Variants in PDE7B observed in about 807,000 individuals in gnomAD.
PDE7B encodes the protein phosphodiesterase 7B, also known as 3',5'-cyclic-AMP phosphodiesterase 7B.
Under a neutral mutation model 56.2 loss-of-function variants are expected in PDE7B, and 29 were observed. The observed-to-expected ratio is 0.52, with a 90% CI of 0.38 to 0.70. The LOEUF (loss-of-function observed/expected upper bound fraction) is 0.70. Ranked by LOEUF, PDE7B falls within the 30% of genes least tolerant of loss-of-function variation. The probability of loss-of-function intolerance (pLI) is 0.00; values close to 1 mark genes in which losing one functional copy is unlikely to be tolerated. For missense variants in PDE7B, 490 were observed against 565.0 expected (o/e 0.87, Z 1.35); for synonymous variants, 197 against 196.9 (o/e 1.00, Z 0.00).
intron 1 of PDE7B, among the ~76,000 whole-genome samples, chr6:135,863,222 A>G (rs992053657): frequency 3.9e-5 from 6 of 151,910 alleles, no homozygotes; most frequent in African/African-American, 7.2e-5. Flanking sequence ...CTTTGCTTCT[A>G]TTACTGAAAG....
At chr6:135,905,272 G>T (rs1479118560) in intron 1 of PDE7B, among the ~76,000 whole-genome samples, 2 of 151,638 alleles carry the variant, frequency 1.3e-5, no homozygotes, top group Non-Finnish European at 2.9e-5. Context: ...TTATTTTTTG[G>T]TAAAATAGTC....
At chr6:136,145,657 G>A (rs188016917) in intron 3 of PDE7B, among the ~76,000 whole-genome samples, 76 of 152,110 alleles carry the variant, frequency 5.0e-4, no homozygotes, top group Admixed American at 4.7e-3. Context: ...TTTAATGATC[G>A]CATCTTCCTC....
intron 2 of PDE7B, among the ~76,000 whole-genome samples, chr6:135,954,688 G>A (rs1583792908): frequency 6.6e-6 from 1 of 152,092 alleles, no homozygotes; most frequent in Admixed American, 6.6e-5. Flanking sequence ...TACAGGAAGA[G>A]GCCCATTATT....
intron 3 of PDE7B, among the ~76,000 whole-genome samples, chr6:136,138,688 A>G (rs1778257959): frequency 6.6e-6 from 1 of 152,138 alleles, no homozygotes; most frequent in African/African-American, 2.4e-5. Flanking sequence ...GATAACCCAG[A>G]TAGAAGTTAA....
chr6:135,909,355 C>G (rs1287231938), intron 1 of PDE7B, among the ~76,000 whole-genome samples: 1 of 152,084 alleles, frequency 6.6e-6, no homozygotes, highest in Non-Finnish European at 1.5e-5. Context: ...TATATTCTTC[C>G]TATAATCCCA....
chr6:136,008,154 G>T (rs1378257904), intron 2 of PDE7B, among the ~76,000 whole-genome samples: 1 of 151,998 alleles, frequency 6.6e-6, no homozygotes, highest in Non-Finnish European at 1.5e-5. Context: ...CCCTACAAAG[G>T]ACATGAACTC....
At position 135,903,862 on chromosome 6, in the gene PDE7B, C is replaced by CCCTA. The variant is rs1776049259; in HGVS notation, c.22-43601_22-43598dup. 3.9e-5 allele frequency among the ~76,000 whole-genome samples: 6 copies of CCCTA among 152,192 alleles called. No homozygotes were observed. The South Asian group carries it at 1.2e-3, about 32-fold the overall frequency. On this transcript the variant is annotated intron_variant, in intron 1 of 12. Transcript: ENST00000308191. ...GAAAACTGGCATCCTCTATAGGGTG[C>CCCTA]CCTAGAAGGACCATTCTGTAAACAT...
chr6:135,984,752 C>T (rs1323036546), intron 2 of PDE7B, among the ~76,000 whole-genome samples: 1 of 152,094 alleles, frequency 6.6e-6, no homozygotes, highest in Non-Finnish European at 1.5e-5. Flanking sequence ...AACTTCCTTA[C>T]TTGTGTTGTT....
chr6:135,926,158 C>T (rs1353662418), intron 1 of PDE7B, among the ~76,000 whole-genome samples: 4 of 145,322 alleles, frequency 2.8e-5, no homozygotes, highest in South Asian at 2.2e-4. Context: ...GCAATCTCGG[C>T]TCACTGCAAG....
intron 6 of PDE7B, among the ~76,000 whole-genome samples, chr6:136,152,697 C>T (rs1008031814): frequency 1.3e-5 from 2 of 152,194 alleles, no homozygotes; most frequent in African/African-American, 4.8e-5. Flanking sequence ...CTTTCCTCTG[C>T]CATTTACATG....
chr6:135,926,918 T>C (rs1192466118), intron 1 of PDE7B, among the ~76,000 whole-genome samples: 2 of 152,246 alleles, frequency 1.3e-5, no homozygotes, highest in African/African-American at 4.8e-5. Flanking sequence ...TTATGAATTC[T>C]TTGAATTAAT....
chr6:136,012,706 C>T (rs1416047846), intron 2 of PDE7B: 3 of 152,114 alleles, frequency 2.0e-5, no homozygotes, highest in Non-Finnish European at 4.4e-5. Flanking sequence ...GCAGCTCAGT[C>T]ATTTTAGCTG....
chr6:135,910,227 A>G (rs1382157563), intron 1 of PDE7B, among the ~76,000 whole-genome samples: 1 of 152,174 alleles, frequency 6.6e-6, no homozygotes, highest in East Asian at 1.9e-4. Context: ...TACCCACTAC[A>G]ACATCCAAGG....
intron 2 of PDE7B, among the ~76,000 whole-genome samples, chr6:136,047,884 A>G (rs1238047439): frequency 6.6e-6 from 1 of 152,240 alleles, no homozygotes; most frequent in African/African-American, 2.4e-5. Flanking sequence ...CAACTCACTG[A>G]TATCAAGGCA....
chr6:136,019,756 T>C (rs1314734024), intron 2 of PDE7B, among the ~76,000 whole-genome samples: 1 of 152,244 alleles, frequency 6.6e-6, no homozygotes, highest in Non-Finnish European at 1.5e-5. Flanking sequence ...TATCATTTAC[T>C]GTATTCTTAC....
chr6:135,882,953 T>A (rs1434909351), intron 1 of PDE7B, among the ~76,000 whole-genome samples: 4 of 152,108 alleles, frequency 2.6e-5, no homozygotes, highest in African/African-American at 9.7e-5. Flanking sequence ...ACAAATATAA[T>A]CTCTTTTTTC....
intron 1 of PDE7B, among the ~76,000 whole-genome samples, chr6:135,893,022 T>G (rs1037321618): frequency 1.3e-5 from 2 of 152,172 alleles, no homozygotes; most frequent in Non-Finnish European, 2.9e-5. Context: ...TTGTTCTGTC[T>G]TCTTTTAGAT....
intron 1 of PDE7B, among the ~76,000 whole-genome samples, chr6:135,942,275 G>C (rs1250215503): frequency 6.6e-6 from 1 of 152,032 alleles, no homozygotes; most frequent in Non-Finnish European, 1.5e-5. Context: ...CATTTTGCTA[G>C]AACATATTAT....
At chr6:136,006,364 T>C (rs1775783423) in intron 2 of PDE7B, among the ~76,000 whole-genome samples, 1 of 151,004 alleles carries the variant, frequency 6.6e-6, no homozygotes, top group Non-Finnish European at 1.5e-5. Context: ...ATAATAAGAA[T>C]AAAAGAAAAT....
Sources: allele counts gnomAD v4.1 joint callset (sites outside exome capture counted in the v4.1 genomes callset), GRCh38; gene constraint gnomAD v4.1.1; transcripts MANE v1.5; gene names NCBI Gene and HGNC (gene_info 2026-07-23, HGNC 2026-07-21).